Variants in CFAP20DC observed in about 807,000 individuals in gnomAD.
The protein encoded by CFAP20DC is CFAP20 domain containing, also known as protein CFAP20DC.
In CFAP20DC, 84 loss-of-function variants were observed where a neutral mutation model predicts 101.7. The ratio of observed to expected loss-of-function variants is 0.83; its 90% CI spans 0.69 to 0.99. CFAP20DC has a LOEUF of 0.99. CFAP20DC is among the 50% of genes least tolerant of loss of function. The pLI is 0.00. For missense variants in CFAP20DC, 1,007 were observed against 970.3 expected, an observed-to-expected ratio of 1.04 and a Z score of -0.50; for synonymous variants, 359 against 351.2, an observed-to-expected ratio of 1.02 and a Z score of -0.25.
intron 3 of CFAP20DC, among the ~76,000 whole-genome samples, chr3:58,725,044 A>C (rs2067529684): frequency 6.6e-6 from 1 of 152,250 alleles, no homozygotes; most frequent in Non-Finnish European, 1.5e-5. Context: ...TTATGGCAAT[A>C]ATAGCTTGGT....
At chr3:58,890,464 G>T (rs561077180) in intron 6 of CFAP20DC, among the ~76,000 whole-genome samples, 1 of 146,728 alleles carries the variant, frequency 6.8e-6, no homozygotes, top group African/African-American at 2.6e-5. Flanking sequence ...CCTCCCGGAC[G>T]GGGCGGCTGG....
chr3:58,793,792 G>A (rs114395522), intron 15 of CFAP20DC, among the ~76,000 whole-genome samples: 1 of 152,266 alleles, frequency 6.6e-6, no homozygotes, highest in African/African-American at 2.4e-5. Context: ...CTTAAGCTGA[G>A]ACTTTCATTT....
intron 6 of CFAP20DC, among the ~76,000 whole-genome samples, chr3:58,886,729 A>G (rs1258570939): frequency 6.6e-6 from 1 of 152,122 alleles, no homozygotes; most frequent in Non-Finnish European, 1.5e-5. Context: ...AGAAAAAGAA[A>G]AAGAAAAAAA....
intron 6 of CFAP20DC, among the ~76,000 whole-genome samples, chr3:58,902,582 A>C (rs537853355): frequency 1.3e-5 from 2 of 152,294 alleles, no homozygotes; most frequent in African/African-American, 4.8e-5. Context: ...ATTTGAAGAA[A>C]TGTCTATTCA....
intron 6 of CFAP20DC, among the ~76,000 whole-genome samples, chr3:58,910,338 C>A (rs1351382491): frequency 1.3e-5 from 2 of 152,108 alleles, no homozygotes; most frequent in Non-Finnish European, 2.9e-5. Context: ...ATTTTTGAGG[C>A]CTTGTATCTT....
At chr3:58,744,568 G>C (rs768505320) in intron 16 of CFAP20DC, among the ~76,000 whole-genome samples, 28 of 152,254 alleles carry the variant, frequency 1.8e-4, no homozygotes, top group Middle Eastern at 3.4e-3. Flanking sequence ...CCCTGGGGGA[G>C]GGCAGAGGCA....
intron 4 of CFAP20DC, among the ~76,000 whole-genome samples, chr3:59,028,912 G>A (rs1468402937): frequency 6.6e-6 from 1 of 152,172 alleles, no homozygotes; most frequent in African/African-American, 2.4e-5. Context: ...CATAAGGTGA[G>A]GCAGGTTAAG....
At chr3:58,880,891 A>C (rs1351213008) in intron 7 of CFAP20DC, among the ~76,000 whole-genome samples, 1 of 152,182 alleles carries the variant, frequency 6.6e-6, no homozygotes, top group Non-Finnish European at 1.5e-5. Flanking sequence ...AAAGATTGTG[A>C]GATATCTTTA....
chr3:58,975,267 GT>G (rs200034229), intron 4 of CFAP20DC, among the ~76,000 whole-genome samples: 1 of 151,848 alleles, frequency 6.6e-6, no homozygotes, highest in Admixed American at 6.6e-5. Context: ...TCCTTTGCCA[GT>G]TTTTTTCAGA....
At chr3:59,012,374 T>TA (rs1313508092) in intron 4 of CFAP20DC, among the ~76,000 whole-genome samples, 1 of 152,134 alleles carries the variant, frequency 6.6e-6, no homozygotes, top group Admixed American at 6.6e-5. Flanking sequence ...GCTGAGGAAA[T>TA]ATGCTGAGAG....
chr3:58,849,321 G>A lies in CFAP20DC; in HGVS notation c.1682C>T (p.Ala561Val), dbSNP rs752033918. The A allele has an allele frequency of 4.6e-6, 7 of 1,536,108 alleles. No individual in the cohort carries two copies. The highest frequency in any genetic ancestry group is 6.1e-6 in the Non-Finnish European group (7 of 1,146,898). ...QLTLESLLGK[A>V]AKRTSKEYLR... is the part of the protein sequence containing the mutation. ...ATATTCCTTACTTGTCCGCTTTGCA[G>A]CCTTCCCCAGCAGGCTCTCTAATGT... is the stretch of plus-strand genomic sequence containing the variant. Residue 561 changes from alanine (A) to valine (V), a missense_variant, in exon 13 of 17, where the codon GCT (alanine) becomes GTT (valine). By Grantham distance (64) the Ala-to-Val change is moderately conservative. Transcript: ENST00000482387.
chr3:58,832,204 C>T (rs1329270327), intron 13 of CFAP20DC, among the ~76,000 whole-genome samples: 2 of 152,194 alleles, frequency 1.3e-5, no homozygotes, highest in African/African-American at 2.4e-5. Context: ...GTTATGATGA[C>T]TTCCTCAGGG....
At chr3:58,736,042 T>C (rs1575521613) in intron 3 of CFAP20DC, among the ~76,000 whole-genome samples, 3 of 152,176 alleles carry the variant, frequency 2.0e-5, no homozygotes, top group African/African-American at 7.2e-5. Context: ...CTGAGAAGAT[T>C]AAAATCTCTT....
chr3:58,792,338 G>C (rs370884831), intron 15 of CFAP20DC, among the ~76,000 whole-genome samples: 1 of 152,074 alleles, frequency 6.6e-6, no homozygotes. Flanking sequence ...ATTTTACTCC[G>C]AGTTTCATTG....
chr3:58,905,405 G>T (rs150104592), intron 6 of CFAP20DC, among the ~76,000 whole-genome samples: 4,601 of 152,152 alleles, frequency 0.03, 102 homozygotes, highest in Admixed American at 0.063. Flanking sequence ...TCATAGAAAT[G>T]CCTAAAAATG....
At chr3:59,034,035 G>T (rs1417042246) in intron 4 of CFAP20DC, among the ~76,000 whole-genome samples, 1 of 152,088 alleles carries the variant, frequency 6.6e-6, no homozygotes, top group Non-Finnish European at 1.5e-5. Context: ...AAGAGAATGG[G>T]GGCCAATATT....
chr3:58,731,759 A>AC (rs2067650048), intron 3 of CFAP20DC, among the ~76,000 whole-genome samples: 2 of 152,170 alleles, frequency 1.3e-5, no homozygotes, highest in Admixed American at 6.5e-5. Flanking sequence ...AGAACAAAAT[A>AC]TTTTTCAAGC....
intron 15 of CFAP20DC, among the ~76,000 whole-genome samples, chr3:58,798,593 T>C (rs926191438): frequency 6.6e-6 from 1 of 152,236 alleles, no homozygotes; most frequent in African/African-American, 2.4e-5. Context: ...AGCAGCAGCA[T>C]GGTTGGGCAA....
chr3:58,840,759 C>G (rs1191939130), intron 13 of CFAP20DC, among the ~76,000 whole-genome samples: 1 of 152,198 alleles, frequency 6.6e-6, no homozygotes, highest in Non-Finnish European at 1.5e-5. Context: ...AAGTATACTT[C>G]AGATTAGGGG....
Sources: gnomAD v4.1 joint callset for allele counts (sites outside exome capture counted in the v4.1 genomes callset) on GRCh38, gnomAD v4.1.1 for gene constraint, MANE v1.5 for transcripts, NCBI Gene and HGNC (gene_info 2026-07-23, HGNC 2026-07-21) for gene names.